The following NCOA7 variants were observed in gnomAD, a reference collection of about 807,000 sequenced individuals.
The protein encoded by NCOA7 is 140 kDa estrogen receptor-associated protein.
Under a neutral mutation model 104.3 loss-of-function variants are expected in NCOA7, and 45 were observed. The observed-to-expected ratio is 0.43, with a 90% confidence interval of 0.34 to 0.55. The LOEUF is 0.55. Ranked by LOEUF, NCOA7 falls within the 20% of genes least tolerant of loss-of-function variation. NCOA7 has a pLI of 0.02. For missense variants in NCOA7, 1,041 were observed against 1,119.7 expected (o/e 0.93, Z 1.00); for synonymous variants, 398 against 402.3 (o/e 0.99, Z 0.13).
At chr6:125,862,139 A>G (rs1394628780) in intron 3 of NCOA7, among the ~76,000 whole-genome samples, 3 of 134,860 alleles carry the variant, frequency 2.2e-5, no homozygotes, top group Non-Finnish European at 4.7e-5. Flanking sequence ...GGTGAAGAGG[A>G]TAGAACCACG....
intron 2 of NCOA7, among the ~76,000 whole-genome samples, chr6:125,839,779 C>A (rs760952269): frequency 6.6e-6 from 1 of 152,178 alleles, no homozygotes; most frequent in African/African-American, 2.4e-5. Context: ...TTGTCACCGT[C>A]ATAGTGCAAC....
In NCOA7 at chr6:125,905,253, ATTTTTTTT is replaced by A. The variant is rs375646356; in HGVS notation, c.2097-10067_2097-10060del. Among the ~76,000 whole-genome samples, 741 of 131,602 alleles carry A rather than the reference ATTTTTTTT, an allele frequency of 5.6e-3. 4 individuals carry two copies. The highest frequency in any genetic ancestry group is 0.02 in the African/African-American group (692 of 34,842). The allele number at this position is 131,602 out of a possible 152,430, so 86.3% of individuals were successfully genotyped here. On this transcript the variant is annotated intron_variant, in intron 10 of 15. Transcript: ENST00000392477. ...CTAGAGTGGTGAGGGAAGGAATAAG[ATTTTTTTT>A]TTTTTTTTTTTTGAGACAGAGTTTC...
At chr6:125,921,660 C>G (rs1787598991) in intron 12 of NCOA7, among the ~76,000 whole-genome samples, 1 of 152,140 alleles carries the variant, frequency 6.6e-6, no homozygotes, top group South Asian at 2.1e-4. Context: ...AAGCGTCCTA[C>G]CATAGTCCTA....
At chr6:125,921,170 G>T (rs1787546612) in intron 12 of NCOA7, 102 bp downstream of exon 12, 1 of 1,449,204 alleles carries the variant, frequency 6.9e-7, no homozygotes, top group Non-Finnish European at 9.2e-7. Context: ...CACACTTTGG[G>T]AGGCCAAGGC....
intron 12 of NCOA7, among the ~76,000 whole-genome samples, chr6:125,922,262 C>T (rs1253904482): frequency 9.2e-5 from 14 of 152,218 alleles, no homozygotes; most frequent in Admixed American, 8.5e-4. Flanking sequence ...TTTGCCCTCA[C>T]TTCTGTGCAA....
chr6:125,912,824 A>ACATATT (rs1786705169), intron 10 of NCOA7, among the ~76,000 whole-genome samples: 1 of 152,234 alleles, frequency 6.6e-6, no homozygotes, highest in Non-Finnish European at 1.5e-5. Context: ...GACAAAAAAT[A>ACATATT]CATATTCATA....
chr6:125,813,520 C>T (rs962983318), intron 1 of NCOA7, among the ~76,000 whole-genome samples: 5 of 149,316 alleles, frequency 3.3e-5, no homozygotes, highest in Admixed American at 1.3e-4. Flanking sequence ...GGAGTGGTCT[C>T]GGCTCACTGC....
At position 125,878,323 on chromosome 6, in the gene NCOA7, T is replaced by C. The variant is rs758767019; in HGVS notation, c.412T>C (p.Leu138=). The part of the protein sequence containing the change: ...ALKFNITPNK[L]VELNKLFTHT... Reference sequence around the variant, plus strand: ...GAAATTTAACATCACTCCCAATAAATTGGTGGAACTGAATAAACTTTTCAC... The same window carrying C: ...GAAATTTAACATCACTCCCAATAAACTGGTGGAACTGAATAAACTTTTCAC... Residue 138 remains leucine (L), a synonymous_variant, in exon 5 of 16, where the codon TTG becomes CTG. Transcript: ENST00000392477. 2.7e-5 allele frequency: 44 copies of C among 1,612,768 alleles called. No homozygotes were observed. Among genetic ancestry groups the C allele is most frequent in the South Asian group, 3.3e-5 (3 of 90,882 alleles).
chr6:125,890,047 G>A, intron 9 of NCOA7, 66 bp downstream of exon 9: 1 of 1,192,636 alleles, frequency 8.4e-7, no homozygotes, highest in Non-Finnish European at 1.1e-6. Flanking sequence ...ATTTGCACAT[G>A]TAATACCCAC....
chr6:125,835,061 T>C (rs546823993), intron 2 of NCOA7, among the ~76,000 whole-genome samples: 2 of 152,326 alleles, frequency 1.3e-5, no homozygotes, highest in East Asian at 3.9e-4. Context: ...AAAGGATGTA[T>C]ATTTCCCAGA....
At chr6:125,785,204 G>A (rs1352166802) in intron 1 of NCOA7, among the ~76,000 whole-genome samples, 1 of 152,142 alleles carries the variant, frequency 6.6e-6, no homozygotes, top group African/African-American at 2.4e-5. Context: ...CGGGTGTGGT[G>A]GTGGGCGCCT....
Position 125,920,969 on chromosome 6 carries a change from C to T in NCOA7, c.2271C>T (p.Arg757=), listed in dbSNP as rs764058240. The change falls in exon 12 of 16, where the codon CGC becomes CGT. Residue 757 remains arginine (R), a synonymous_variant. Transcript: ENST00000392477. ...TCATCACTGTTGAAGAGGCAAAGCG[C>T]AGGAAGAGCACATGCAGCTACTATG... ...WEIITVEEAK[R]RKSTCSYYED... is the part of the protein sequence containing the mutation. 7 of 1,613,618 alleles carry T rather than the reference C, an allele frequency of 4.3e-6. No individual in the cohort carries two copies. The South Asian group carries it at 7.7e-5, about 18-fold the overall frequency.
chr6:125,808,567 C>T (rs1268241792), intron 1 of NCOA7, among the ~76,000 whole-genome samples: 1 of 152,152 alleles, frequency 6.6e-6, no homozygotes, highest in Non-Finnish European at 1.5e-5. Context: ...TCTCAGGGTC[C>T]ACAGCTCCCT....
At chr6:125,825,680 G>A (rs1209106577) in intron 2 of NCOA7, among the ~76,000 whole-genome samples, 1 of 152,222 alleles carries the variant, frequency 6.6e-6, no homozygotes, top group Non-Finnish European at 1.5e-5. Flanking sequence ...TGCAGCAGAT[G>A]CTGGTAAGGT....
chr6:125,838,391 T>C (rs952510347), intron 2 of NCOA7, among the ~76,000 whole-genome samples: 3 of 152,084 alleles, frequency 2.0e-5, no homozygotes, highest in African/African-American at 7.2e-5. Flanking sequence ...AGGTGGTAAA[T>C]GCTTCTTTCA....
At chr6:125,825,993 G>C in intron 2 of NCOA7, among the ~76,000 whole-genome samples, 1 of 152,096 alleles carries the variant, frequency 6.6e-6, no homozygotes, top group East Asian at 1.9e-4. Context: ...TTAGTTGTAA[G>C]CTCACATGTA....
chr6:125,878,277 C>T lies in NCOA7; in HGVS notation c.366C>T (p.Asp122=), dbSNP rs1783547003. The T allele has an allele frequency of 1.2e-6, 2 of 1,608,326 alleles. No homozygotes were observed. The highest frequency in any genetic ancestry group is 1.1e-5 in the South Asian group (1 of 89,536). The change falls in exon 5 of 16, where the codon GAC becomes GAT. Residue 122 remains aspartate (D), a synonymous_variant. Transcript: ENST00000392477. Reference sequence around the variant, plus strand: ...GATTATTCTAGGCTGGAAACCAGGACACCCTAAACTCCATAGCACTGAAAT... The same window carrying T: ...GATTATTCTAGGCTGGAAACCAGGATACCCTAAACTCCATAGCACTGAAAT... ...GTMEYTAGNQ[D]TLNSIALKFN... is the part of the protein sequence containing the mutation.
At chr6:125,785,490 T>C (rs1347711319) in intron 1 of NCOA7, among the ~76,000 whole-genome samples, 2 of 152,198 alleles carry the variant, frequency 1.3e-5, no homozygotes, top group African/African-American at 4.8e-5. Flanking sequence ...TTTTTACAAC[T>C]ATTTATTAAT....
At chr6:125,884,568 G>C (rs574695832) in intron 7 of NCOA7, among the ~76,000 whole-genome samples, 146 of 152,254 alleles carry the variant, frequency 9.6e-4, no homozygotes, top group African/African-American at 3.4e-3. Context: ...ACGACTTTTT[G>C]CTTTAATCTC....
Sources: gnomAD v4.1 joint callset for allele counts (sites outside exome capture counted in the v4.1 genomes callset) on GRCh38, gnomAD v4.1.1 for gene constraint, MANE v1.5 for transcripts, NCBI Gene and HGNC (gene_info 2026-07-23, HGNC 2026-07-21) for gene names.